Variants in NEK7 observed in about 807,000 individuals in gnomAD.
NEK7 encodes serine/threonine-protein kinase Nek7.
Under a neutral mutation model 44.6 loss-of-function variants are expected in NEK7, and 18 were observed. The ratio of observed to expected loss-of-function variants is 0.40; its 90% CI spans 0.28 to 0.60. The LOEUF is 0.60. Among genes scored for constraint, NEK7 ranks in the 20% least tolerant of loss-of-function variants. The probability of loss-of-function intolerance (pLI) is 0.38; values close to 1 mark genes in which losing one functional copy is unlikely to be tolerated. For synonymous variants in NEK7, 130 were observed against 121.1 expected, an observed-to-expected ratio of 1.07 and a Z score of -0.48; for missense variants, 256 against 366.5, an observed-to-expected ratio of 0.70 and a Z score of 2.46.
intron 1 of NEK7, among the ~76,000 whole-genome samples, chr1:198,197,080 A>G (rs904467637): frequency 1.3e-5 from 2 of 152,230 alleles, no homozygotes; most frequent in East Asian, 1.9e-4. Flanking sequence ...TGAGAATTAT[A>G]TGAGGTATAT....
At chr1:198,314,755 G>T (rs1655300917) in intron 9 of NEK7, among the ~76,000 whole-genome samples, 2 of 152,146 alleles carry the variant, frequency 1.3e-5, no homozygotes, top group East Asian at 1.9e-4. Context: ...AGGGGTCAGG[G>T]GTCAGAGACC....
At chr1:198,227,997 T>A (rs1228578165) in intron 1 of NEK7, among the ~76,000 whole-genome samples, 1 of 152,196 alleles carries the variant, frequency 6.6e-6, no homozygotes, top group Non-Finnish European at 1.5e-5. Context: ...TTTTTATGGT[T>A]TCAGGTCTAA....
At chr1:198,185,534 T>A (rs188968956) in intron 1 of NEK7, among the ~76,000 whole-genome samples, 27 of 152,266 alleles carry the variant, frequency 1.8e-4, no homozygotes, top group Non-Finnish European at 3.5e-4. Context: ...CTAATTTAAG[T>A]TACAGTGTTC....
chr1:198,321,667 G>A lies in NEK7; in HGVS notation c.*2145G>A, dbSNP rs1047091483. On this transcript the variant is annotated 3_prime_UTR_variant, in exon 10 of 10. Transcript: ENST00000367385. ...TCTATATGTGGAAACTTTTTGCTTC[G>A]AATATTGTATCTTTTTAAATCTAAA... is the stretch of plus-strand genomic sequence containing the variant. The A allele has an allele frequency of 1.3e-5, 2 of 151,946 alleles. No homozygotes were observed. The highest frequency in any genetic ancestry group is 1.5e-5 in the Non-Finnish European group (1 of 67,926). The allele number at this position is 151,946 out of a possible 1,614,324, so 9.4% of individuals were successfully genotyped here.
At chr1:198,284,607 T>C (rs1267466674) in intron 7 of NEK7, among the ~76,000 whole-genome samples, 3 of 152,178 alleles carry the variant, frequency 2.0e-5, no homozygotes, top group Non-Finnish European at 4.4e-5. Context: ...TAATAAATTT[T>C]CTCGTATCGT....
intron 1 of NEK7, among the ~76,000 whole-genome samples, chr1:198,217,980 C>T (rs761200796): frequency 1.6e-4 from 25 of 151,786 alleles, no homozygotes; most frequent in Non-Finnish European, 3.1e-4. Flanking sequence ...TTGAAAGAAT[C>T]AATATTGTGA....
At chr1:198,276,250 A>G (rs994991278) in intron 5 of NEK7, among the ~76,000 whole-genome samples, 4 of 151,730 alleles carry the variant, frequency 2.6e-5, no homozygotes, top group Non-Finnish European at 5.9e-5. Context: ...TAAACTGCCA[A>G]CTACATTATA....
At chr1:198,286,646 T>C (rs533180773) in intron 7 of NEK7, among the ~76,000 whole-genome samples, 1 of 152,340 alleles carries the variant, frequency 6.6e-6, no homozygotes, top group South Asian at 2.1e-4. Flanking sequence ...TTCTGTTCTG[T>C]AGGTCAGAAG....
At chr1:198,271,922 TATACAC>T (rs962707809) in intron 5 of NEK7, among the ~76,000 whole-genome samples, 14 of 145,030 alleles carry the variant, frequency 9.7e-5, no homozygotes, top group African/African-American at 3.3e-4. Context: ...TATATATATA[TATACAC>T]ACACACACAC....
In NEK7 at chr1:198,186,210, GCTTA is replaced by G. The variant is rs373306655; in HGVS notation, c.-29+28939_-29+28942del. Among the ~76,000 whole-genome samples, 400 of 152,256 alleles carry G rather than the reference GCTTA, an allele frequency of 2.6e-3. 1 individual carries two copies. Among genetic ancestry groups the G allele is most frequent in the African/African-American group, 9.0e-3 (372 of 41,548 alleles). On this transcript the variant is annotated intron_variant, in intron 1 of 9. Transcript: ENST00000367385. ...TTTCTTTAGCTACTGAAATATTTCT[GCTTA>G]CTTATTTTCTGTTTAGCAATGAATT...
chr1:198,228,926 G>T (rs560754309), intron 1 of NEK7, among the ~76,000 whole-genome samples: 1 of 152,262 alleles, frequency 6.6e-6, no homozygotes, highest in East Asian at 1.9e-4. Context: ...TGGTGAGAGA[G>T]GGCATCCCTG....
intron 1 of NEK7, among the ~76,000 whole-genome samples, chr1:198,214,487 C>A (rs528187269): frequency 3.3e-5 from 5 of 152,172 alleles, no homozygotes; most frequent in Admixed American, 2.6e-4. Context: ...AATGAAAAAT[C>A]AATCAGAACT....
At chr1:198,179,793 A>G (rs1664705295) in intron 1 of NEK7, among the ~76,000 whole-genome samples, 2 of 117,632 alleles carry the variant, frequency 1.7e-5, no homozygotes, top group Admixed American at 1.8e-4. Context: ...CTACAGTTAC[A>G]CAGGAGTGTG....
chr1:198,220,438 T>C (rs751686838), intron 1 of NEK7, among the ~76,000 whole-genome samples: 36 of 152,094 alleles, frequency 2.4e-4, no homozygotes, highest in Non-Finnish European at 4.0e-4. Flanking sequence ...CTATAAATGT[T>C]GAGACTGGGA....
chr1:198,282,043 A>C (rs1654216328), intron 7 of NEK7, among the ~76,000 whole-genome samples: 1 of 152,084 alleles, frequency 6.6e-6, no homozygotes, highest in Non-Finnish European at 1.5e-5. Context: ...TCAAAACAGA[A>C]AAATATCCTA....
At chr1:198,165,639 C>T (rs1664241560) in intron 1 of NEK7, among the ~76,000 whole-genome samples, 1 of 152,106 alleles carries the variant, frequency 6.6e-6, no homozygotes, top group Admixed American at 6.5e-5. Context: ...TTTGTTTTTC[C>T]ACTTATAGCA....
At chr1:198,170,464 A>G (rs185149463) in intron 1 of NEK7, among the ~76,000 whole-genome samples, 1 of 152,218 alleles carries the variant, frequency 6.6e-6, no homozygotes, top group Non-Finnish European at 1.5e-5. Flanking sequence ...TTGACTGAGT[A>G]TACTTAAATT....
At chr1:198,182,413 A>C (rs1664792412) in intron 1 of NEK7, among the ~76,000 whole-genome samples, 1 of 151,968 alleles carries the variant, frequency 6.6e-6, no homozygotes, top group Non-Finnish European at 1.5e-5. Context: ...GGATGTGAAT[A>C]AAAGTGTGTG....
chr1:198,235,803 TA>T (rs568586042), intron 2 of NEK7, among the ~76,000 whole-genome samples: 47 of 152,272 alleles, frequency 3.1e-4, no homozygotes, highest in Middle Eastern at 3.4e-3. Flanking sequence ...AGGCCTAGGT[TA>T]TTTTTTTTTA....
Sources: gnomAD v4.1 joint callset for allele counts (sites outside exome capture counted in the v4.1 genomes callset) on GRCh38, gnomAD v4.1.1 for gene constraint, MANE v1.5 for transcripts, NCBI Gene and HGNC (gene_info 2026-07-23, HGNC 2026-07-21) for gene names.